Variants in HP1BP3 observed in about 807,000 individuals in gnomAD.
HP1BP3 encodes heterochromatin protein 1-binding protein 3.
Under a neutral mutation model 62.5 loss-of-function variants are expected in HP1BP3, and 12 were observed. That is an observed-to-expected ratio of 0.19 (90% CI 0.12 to 0.31). The LOEUF (loss-of-function observed/expected upper bound fraction) is 0.31. Among genes scored for constraint, HP1BP3 ranks in the 10% least tolerant of loss-of-function variants. HP1BP3 has a pLI of 1.00. For missense variants in HP1BP3, 502 were observed against 651.8 expected (o/e 0.77, Z 2.50); for synonymous variants, 260 against 237.8 (o/e 1.09, Z -0.86).
chr1:20,780,864 A>G (rs1375032656), intron 1 of HP1BP3, among the ~76,000 whole-genome samples: 6 of 152,248 alleles, frequency 3.9e-5, no homozygotes, highest in Non-Finnish European at 4.4e-5. Context: ...GAGACTAAGG[A>G]ACAGTTAGTC....
At chr1:20,752,198 G>A (rs532155958) in intron 9 of HP1BP3, among the ~76,000 whole-genome samples, 9 of 152,046 alleles carry the variant, frequency 5.9e-5, no homozygotes, top group African/African-American at 2.2e-4. Flanking sequence ...GGAGGTGGAG[G>A]TTGCAGTAAG....
intron 9 of HP1BP3, 107 bp downstream of exon 9, chr1:20,757,058 TA>T: frequency 1.6e-6 from 1 of 628,026 alleles, no homozygotes; most frequent in Non-Finnish European, 2.8e-6. Flanking sequence ...ATAACCCACA[TA>T]AACAAAAGTT....
chr1:20,758,921 G>A lies in HP1BP3; in HGVS notation c.891-1665C>T, dbSNP rs1167227831. Among the ~76,000 whole-genome samples, 3 of 151,982 alleles carry A rather than the reference G, an allele frequency of 2.0e-5. No individual in the cohort carries two copies. In the East Asian group the frequency reaches 5.8e-4, roughly 29 times the overall value. ...TCCCGCTTCGGCCTCCCAAAGTGCT[G>A]GGATTACACATGTGAACCGCAGCAC... On this transcript the variant is annotated intron_variant, in intron 8 of 12. Transcript: ENST00000438032.
chr1:20,767,778 GAAA>G (rs138055687), intron 6 of HP1BP3, 114 bp from the exon 7 acceptor site: 34 of 477,834 alleles, frequency 7.1e-5, no homozygotes, highest in East Asian at 1.2e-4. Flanking sequence ...CTTCTTCAGA[GAAA>G]AAAAAAAAAA....
chr1:20,747,639 T>A lies in HP1BP3; in HGVS notation c.1158A>T (p.Lys386Asn). The A allele has an allele frequency of 1.9e-6, 3 of 1,612,776 alleles. No homozygotes were observed. Among genetic ancestry groups the A allele is most frequent in the Non-Finnish European group, 2.5e-6 (3 of 1,179,518 alleles). ...CATTCTTTTCGCATTTCTGCAGGGTTTTTTTCAGCAAATGCACTGAAAAAA... is the reference window on the plus strand; with the variant it reads ...CATTCTTTTCGCATTTCTGCAGGGTATTTTTCAGCAAATGCACTGAAAAAA... The part of the protein sequence containing the change: ...NSNYQMHLLK[K>N]TLQKCEKNGW... Residue 386 changes from lysine (K) to asparagine (N), a missense_variant, in exon 11 of 13, where the codon AAA becomes AAT. Around this residue, in one of 5 missense-constraint regions of HP1BP3, gnomAD observed 194 missense variants for 207.0 expected, o/e 0.94. Transcript: ENST00000438032.
intron 9 of HP1BP3, among the ~76,000 whole-genome samples, chr1:20,751,208 T>C (rs1467040936): frequency 1.3e-5 from 2 of 152,106 alleles, no homozygotes; most frequent in Admixed American, 6.5e-5. Flanking sequence ...ACATACAACA[T>C]ACAAAATGTG....
chr1:20,776,044 T>TA, intron 4 of HP1BP3: 1 of 1,466,472 alleles, frequency 6.8e-7, no homozygotes, highest in Non-Finnish European at 9.1e-7. Context: ...AATTAAAAAG[T>TA]AACTGCCATC....
chr1:20,752,142 C>A (rs1489183516), intron 9 of HP1BP3, among the ~76,000 whole-genome samples: 1 of 151,856 alleles, frequency 6.6e-6, no homozygotes, highest in Non-Finnish European at 1.5e-5. Context: ...TGCCTGTAAT[C>A]CCAGCTACTT....
Position 20,776,743 on chromosome 1 carries a change from G to A in HP1BP3, c.204C>T (p.Asp68=), listed in dbSNP as rs1228952438. The change falls in exon 4 of 13, where the codon GAC becomes GAT. Residue 68 remains aspartate (D), a synonymous_variant. Coordinates refer to ENST00000438032, the MANE Select transcript of HP1BP3 (RefSeq NM_001372052.1). The part of the protein sequence containing the change: ...AEGEEEKPEP[D]ISSEESVSTV... ...TGGAGACAGATTCCTCTGAACTTAT[G>A]TCTGGTTCTAAAAAATCAGGTGAGC... 2.5e-6 allele frequency: 4 copies of A among 1,607,146 alleles called. No individual in the cohort carries two copies. Among genetic ancestry groups the A allele is most frequent in the Non-Finnish European group, 1.7e-6 (2 of 1,177,394 alleles).
At chr1:20,767,758 G>A in intron 6 of HP1BP3, 94 bp from the exon 7 acceptor site, 1 of 736,750 alleles carries the variant, frequency 1.4e-6, no homozygotes, top group East Asian at 2.7e-5. Flanking sequence ...CTAATGTAAA[G>A]TGGTGTTTAC....
In HP1BP3 at chr1:20,776,682, T is replaced by C. The variant is rs1213459585; in HGVS notation, c.265A>G (p.Thr89Ala). 2.5e-6 allele frequency: 4 copies of C among 1,613,820 alleles called. No individual in the cohort carries two copies. In the African/African-American group the frequency reaches 4.0e-5, roughly 16 times the overall value. Reference protein sequence around the residue: ...EEQENETPPATSSEAEQPKGE... With the variant: ...EEQENETPPAASSEAEQPKGE... ...TTTGGCTGCTCTGCCTCACTCGAAG[T>C]AGCAGGTGGAGTTTCATTCTCTTGT... Residue 89 changes from threonine to alanine, a missense_variant, in exon 4 of 13, where the codon ACT (threonine) becomes GCT (alanine). This residue lies in a region of HP1BP3 where 165 missense variants were observed against 156.4 expected (regional missense o/e 1.05). Coordinates refer to ENST00000438032, the MANE Select transcript of HP1BP3 (RefSeq NM_001372052.1).
chr1:20,750,529 AAAAT>A (rs894170590), intron 9 of HP1BP3, among the ~76,000 whole-genome samples: 5 of 152,014 alleles, frequency 3.3e-5, no homozygotes, highest in African/African-American at 9.7e-5. Context: ...TCTGTCTAAA[AAAAT>A]AAATAAATAA....
rs971403899 is a variant in HP1BP3, at chr1:20,742,972, C to T, written c.*1825G>A. On this transcript the variant is annotated 3_prime_UTR_variant, in exon 13 of 13. Transcript: ENST00000438032. ...AAGATGTACTTCAAAAACTTTAAGA[C>T]AATTAAAATGTCAAGTGCCACAGGG... The T allele has an allele frequency of 1.3e-5, 2 of 152,556 alleles. No individual in the cohort carries two copies. The highest frequency in any genetic ancestry group is 4.8e-5 in the African/African-American group (2 of 41,432). The allele number at this position is 152,556 out of a possible 1,614,324, so 9.5% of individuals were successfully genotyped here.
At chr1:20,757,662 C>G (rs1347982631) in intron 8 of HP1BP3, among the ~76,000 whole-genome samples, 2 of 152,102 alleles carry the variant, frequency 1.3e-5, no homozygotes, top group African/African-American at 2.4e-5. Flanking sequence ...TGAGGCACCA[C>G]GCCTGGCTGA....
chr1:20,745,800 C>CA, intron 11 of HP1BP3, 144 bp from the exon 12 acceptor site: 2 of 744,786 alleles, frequency 2.7e-6, no homozygotes, highest in Non-Finnish European at 4.2e-6. Context: ...TATCAGGTTA[C>CA]AATTTACCGT....
chr1:20,745,366 T>C (rs933005101), intron 12 of HP1BP3, among the ~76,000 whole-genome samples, 177 bp downstream of exon 12: 2 of 152,356 alleles, frequency 1.3e-5, no homozygotes, highest in East Asian at 3.9e-4. Context: ...AGGCTTGCCC[T>C]AAAAGTCTGG....
At chr1:20,783,517 T>A (rs578134221) in intron 1 of HP1BP3, among the ~76,000 whole-genome samples, 4 of 149,954 alleles carry the variant, frequency 2.7e-5, no homozygotes, top group African/African-American at 9.8e-5. Context: ...AGACTCCATC[T>A]CAAAAAACAA....
intron 5 of HP1BP3, 131 bp from the exon 6 acceptor site, chr1:20,771,204 A>T (rs1381052086): frequency 2.9e-6 from 2 of 680,878 alleles, no homozygotes; most frequent in Non-Finnish European, 5.0e-6. Context: ...TGAACTTCAG[A>T]AGACTTCAGT....
At chr1:20,767,686 T>A (rs547493365) in intron 6 of HP1BP3, 22 bp from the exon 7 acceptor site, 1 of 1,473,846 alleles carries the variant, frequency 6.8e-7, no homozygotes, top group South Asian at 1.2e-5. Context: ...TAATTTTTGT[T>A]ATTCTAGTAT....
Sources: gnomAD v4.1 joint callset for allele counts (sites outside exome capture counted in the v4.1 genomes callset) on GRCh38, gnomAD v4.1.1 for gene constraint, gnomAD v4.1.1 regional missense constraint, MANE v1.5 for transcripts, NCBI Gene and HGNC (gene_info 2026-07-23, HGNC 2026-07-21) for gene names.